ASIC2: variants seen among roughly 807,000 people sequenced by gnomAD.
The protein encoded by ASIC2 is acid-sensing ion channel 2.
In ASIC2, 25 loss-of-function variants were observed where a neutral mutation model predicts 57.3. The ratio of observed to expected loss-of-function variants is 0.44; its 90% CI spans 0.32 to 0.61. ASIC2 has a LOEUF of 0.61. ASIC2 is among the 20% of genes least tolerant of loss of function. ASIC2 has a pLI of 0.06. For synonymous variants in ASIC2, 319 were observed against 307.5 expected, an observed-to-expected ratio of 1.04 and a Z score of -0.39; for missense variants, 641 against 738.1, an observed-to-expected ratio of 0.87 and a Z score of 1.52.
At chr17:33,599,551 G>A (rs946771842) in intron 1 of ASIC2, among the ~76,000 whole-genome samples, 3 of 152,270 alleles carry the variant, frequency 2.0e-5, no homozygotes, top group African/African-American at 7.2e-5. Context: ...ACAGCTGGCA[G>A]ATGTGGAGTA....
At chr17:33,799,377 CCTTTCTTTCTTT>C (rs150337011) in intron 1 of ASIC2, among the ~76,000 whole-genome samples, 25 of 40,914 alleles carry the variant, frequency 6.1e-4, no homozygotes, top group Non-Finnish European at 1.1e-3. Flanking sequence ...TTTCTTTCTT[CCTTTCTTTCTTT>C]CTTTCTTTCT....
At chr17:33,750,768 G>T (rs1257028971) in intron 1 of ASIC2, among the ~76,000 whole-genome samples, 1 of 152,136 alleles carries the variant, frequency 6.6e-6, no homozygotes, top group Non-Finnish European at 1.5e-5. Context: ...GATTTCTGGA[G>T]TCTTCAGAGA....
At chr17:33,679,188 T>G (rs770618502) in intron 1 of ASIC2, among the ~76,000 whole-genome samples, 2 of 152,176 alleles carry the variant, frequency 1.3e-5, no homozygotes, top group Non-Finnish European at 2.9e-5. Flanking sequence ...CAGTTACATA[T>G]GAGCTTGGAT....
intron 1 of ASIC2, among the ~76,000 whole-genome samples, chr17:33,363,949 T>A (rs1273279915): frequency 6.6e-6 from 1 of 152,202 alleles, no homozygotes; most frequent in African/African-American, 2.4e-5. Context: ...GGAAAGCTGC[T>A]TTGGTTGCTA....
At chr17:33,205,937 C>T (rs1907044216) in intron 1 of ASIC2, among the ~76,000 whole-genome samples, 3 of 152,178 alleles carry the variant, frequency 2.0e-5, no homozygotes, top group Non-Finnish European at 2.9e-5. Context: ...GATCTGGCAA[C>T]AAGAATGCAC....
chr17:33,094,647 G>C, intron 2 of ASIC2, among the ~76,000 whole-genome samples: 1 of 152,186 alleles, frequency 6.6e-6, no homozygotes, highest in Non-Finnish European at 1.5e-5. Context: ...CATTGGGTTT[G>C]AGCAAGTGCA....
chr17:34,148,347 G>A (rs1034449215), intron 1 of ASIC2, among the ~76,000 whole-genome samples: 3 of 151,992 alleles, frequency 2.0e-5, no homozygotes, highest in African/African-American at 7.3e-5. Context: ...CTGAAAGCAC[G>A]ACTTCCAGAG....
chr17:33,137,449 T>C (rs1296867248), intron 1 of ASIC2, among the ~76,000 whole-genome samples: 1 of 152,072 alleles, frequency 6.6e-6, no homozygotes, highest in African/African-American at 2.4e-5. Flanking sequence ...AGGAAAGGAG[T>C]GCAGAAATGA....
chr17:34,031,831 A>G (rs1390740184), intron 1 of ASIC2, among the ~76,000 whole-genome samples: 2 of 152,206 alleles, frequency 1.3e-5, no homozygotes, highest in Admixed American at 6.5e-5. Flanking sequence ...AAAAAGAAAC[A>G]AACAAAGCCT....
rs573028241 is a variant in ASIC2 at position 33,400,133 on chromosome 17, C to A, written c.556-288066G>T. ...AAACCACTAAATTTGGTTTCCCCAC[C>A]AATTTCTCTCTTTTCTCCTCAAACT... On this transcript the variant is annotated intron_variant, in intron 1 of 9. Transcript: ENST00000359872. Among the ~76,000 whole-genome samples the A allele has an allele frequency of 1.1e-4, 17 of 152,138 alleles. 1 individual carries two copies. The highest frequency in any genetic ancestry group is 9.8e-4 in the Admixed American group (15 of 15,290).
chr17:33,132,879 G>C (rs983431051), intron 1 of ASIC2, among the ~76,000 whole-genome samples: 3 of 152,134 alleles, frequency 2.0e-5, no homozygotes, highest in Non-Finnish European at 4.4e-5. Context: ...TCCATTCTGG[G>C]GATGGAACTA....
intron 1 of ASIC2, among the ~76,000 whole-genome samples, chr17:33,974,137 A>G (rs1905301300): frequency 6.6e-6 from 1 of 151,410 alleles, no homozygotes; most frequent in African/African-American, 2.4e-5. Flanking sequence ...TTTTCTCCTC[A>G]AACCTCCTGT....
chr17:34,097,709 G>A (rs1910597817), intron 1 of ASIC2, among the ~76,000 whole-genome samples: 1 of 152,170 alleles, frequency 6.6e-6, no homozygotes, highest in African/African-American at 2.4e-5. Flanking sequence ...TGAATCCACA[G>A]ATATGGAATC....
At chr17:33,708,082 G>A (rs1434427025) in intron 1 of ASIC2, among the ~76,000 whole-genome samples, 1 of 152,208 alleles carries the variant, frequency 6.6e-6, no homozygotes, top group Non-Finnish European at 1.5e-5. Flanking sequence ...CTGCTAGATA[G>A]GGGAGGGAGA....
chr17:33,580,245 G>C (rs1020685205), intron 1 of ASIC2: 2 of 152,132 alleles, frequency 1.3e-5, no homozygotes, highest in African/African-American at 4.8e-5. Context: ...TAAATGCAAA[G>C]GACCCAGCAT....
chr17:33,062,170 G>C (rs1244214205), intron 3 of ASIC2, among the ~76,000 whole-genome samples: 1 of 152,096 alleles, frequency 6.6e-6, no homozygotes, highest in Admixed American at 6.5e-5. Flanking sequence ...CTTCAGTTCT[G>C]CTCTGATCTT....
intron 3 of ASIC2, among the ~76,000 whole-genome samples, chr17:33,035,040 T>C (rs987701265): frequency 5.3e-5 from 8 of 152,196 alleles, no homozygotes; most frequent in Non-Finnish European, 7.3e-5. Context: ...ATGTATTATT[T>C]TAATAATTTT....
chr17:34,068,936 C>T (rs1909276250), intron 1 of ASIC2, among the ~76,000 whole-genome samples: 1 of 152,118 alleles, frequency 6.6e-6, no homozygotes, highest in Non-Finnish European at 1.5e-5. Context: ...GCAAGTGAAG[C>T]ATTTTAACTG....
intron 1 of ASIC2, among the ~76,000 whole-genome samples, chr17:34,115,787 T>G (rs1911407827): frequency 6.6e-6 from 1 of 152,208 alleles, no homozygotes; most frequent in Admixed American, 6.5e-5. Context: ...AACACCATAT[T>G]TCAGCTGTAA....
Sources: gnomAD v4.1 joint callset for allele counts (sites outside exome capture counted in the v4.1 genomes callset) on GRCh38, gnomAD v4.1.1 for gene constraint, MANE v1.5 for transcripts, NCBI Gene and HGNC (gene_info 2026-07-23, HGNC 2026-07-21) for gene names.